Variants in TPST1 observed in about 807,000 individuals in gnomAD.
TPST1 encodes the protein protein-tyrosine sulfotransferase 1.
TPST1 carries 20 observed loss-of-function variants against 34.8 expected under a neutral mutation model. The observed-to-expected ratio is 0.57, with a 90% CI of 0.40 to 0.84. TPST1 has a LOEUF of 0.84. TPST1 is among the 40% of genes least tolerant of loss of function. The probability of loss-of-function intolerance (pLI) is 0.00; values close to 1 mark genes in which losing one functional copy is unlikely to be tolerated. For synonymous variants in TPST1, 152 were observed against 159.4 expected, an observed-to-expected ratio of 0.95 and a Z score of 0.35; for missense variants, 353 against 455.5, an observed-to-expected ratio of 0.78 and a Z score of 2.05.
chr7:66,346,341 C>G (rs2116356651), intron 3 of TPST1, among the ~76,000 whole-genome samples: 1 of 152,146 alleles, frequency 6.6e-6, no homozygotes, highest in Non-Finnish European at 1.5e-5. Context: ...TGGGTATATT[C>G]CTAGTAGTGG....
chr7:66,239,892 G>GC (rs1244084120), intron 1 of TPST1, among the ~76,000 whole-genome samples: 1 of 151,634 alleles, frequency 6.6e-6, no homozygotes, highest in Non-Finnish European at 1.5e-5. Context: ...GTTTTGTTTT[G>GC]TTTTTTTGAG....
chr7:66,323,262 G>A (rs563788784), intron 3 of TPST1, among the ~76,000 whole-genome samples: 5 of 151,976 alleles, frequency 3.3e-5, no homozygotes, highest in Admixed American at 6.6e-5. Context: ...GGCTGGTCTC[G>A]GACTCCTGAG....
At chr7:66,311,780 T>C (rs1791537995) in intron 3 of TPST1, among the ~76,000 whole-genome samples, 1 of 152,188 alleles carries the variant, frequency 6.6e-6, no homozygotes, top group Admixed American at 6.5e-5. Flanking sequence ...TTAAAAACTG[T>C]TGGAAACCTA....
chr7:66,258,276 A>G (rs1374532427), intron 2 of TPST1, among the ~76,000 whole-genome samples: 4 of 152,126 alleles, frequency 2.6e-5, no homozygotes, highest in African/African-American at 7.2e-5. Context: ...TCCTGTTAAA[A>G]TCCTTGGAAG....
chr7:66,353,731 C>T (rs1792526963), intron 4 of TPST1, among the ~76,000 whole-genome samples: 1 of 152,182 alleles, frequency 6.6e-6, no homozygotes, highest in Non-Finnish European at 1.5e-5. Context: ...CTGCTGCTGT[C>T]AGTGATTAGC....
At chr7:66,230,843 C>T (rs545577356) in intron 1 of TPST1, among the ~76,000 whole-genome samples, 17 of 152,074 alleles carry the variant, frequency 1.1e-4, no homozygotes, top group Non-Finnish European at 1.5e-4. Context: ...TTTGACAGGG[C>T]GCTGATTGGT....
At chr7:66,230,119 C>T (rs572892070) in intron 1 of TPST1, among the ~76,000 whole-genome samples, 4 of 152,196 alleles carry the variant, frequency 2.6e-5, no homozygotes, top group African/African-American at 7.2e-5. Context: ...ACCTGGGAGG[C>T]GAAAGTTGCA....
intron 1 of TPST1, among the ~76,000 whole-genome samples, chr7:66,219,913 T>G (rs6958531): frequency 0.9 from 136,149 of 151,872 alleles, 61,204 homozygotes; most frequent in African/African-American, 0.94. Context: ...TTTACCTTAT[T>G]TTTCGTTGCA....
intron 1 of TPST1, among the ~76,000 whole-genome samples, chr7:66,233,162 A>C (rs766139738): frequency 3.8e-5 from 5 of 131,516 alleles, no homozygotes; most frequent in Non-Finnish European, 6.9e-5. Context: ...TTTGTCTTTC[A>C]CTTTCTTGGT....
At chr7:66,280,510 G>A (rs1043645347) in intron 2 of TPST1, among the ~76,000 whole-genome samples, 7 of 152,208 alleles carry the variant, frequency 4.6e-5, no homozygotes, top group African/African-American at 1.7e-4. Context: ...AGATCTAGAA[G>A]CTTTTGGGCA....
At chr7:66,321,903 G>A (rs181826932) in intron 3 of TPST1, among the ~76,000 whole-genome samples, 3 of 152,218 alleles carry the variant, frequency 2.0e-5, no homozygotes, top group South Asian at 2.1e-4. Context: ...CAGGTTCTTT[G>A]CCTGGTTTTC....
At chr7:66,229,434 T>TA (rs1789732453) in intron 1 of TPST1, among the ~76,000 whole-genome samples, 1 of 152,230 alleles carries the variant, frequency 6.6e-6, no homozygotes, top group Admixed American at 6.5e-5. Flanking sequence ...TCACACAGCA[T>TA]AATGCCTTTG....
chr7:66,277,134 T>A (rs1790833846), intron 2 of TPST1, among the ~76,000 whole-genome samples: 1 of 152,178 alleles, frequency 6.6e-6, no homozygotes, highest in Non-Finnish European at 1.5e-5. Context: ...ATTCTGATTC[T>A]CCTCCCAGAA....
chr7:66,339,189 T>C (rs1792184136), intron 3 of TPST1, among the ~76,000 whole-genome samples: 1 of 151,640 alleles, frequency 6.6e-6, no homozygotes, highest in African/African-American at 2.4e-5. Flanking sequence ...ATACCACCGA[T>C]ATACAAAAAG....
chr7:66,258,443 T>G (rs796868383), intron 2 of TPST1, among the ~76,000 whole-genome samples: 8 of 152,342 alleles, frequency 5.3e-5, no homozygotes, highest in African/African-American at 1.9e-4. Context: ...TTAGTTAGTT[T>G]GGAGCTTTGG....
At chr7:66,299,573 C>G (rs1791273566) in intron 3 of TPST1, among the ~76,000 whole-genome samples, 1 of 151,926 alleles carries the variant, frequency 6.6e-6, no homozygotes, top group African/African-American at 2.4e-5. Flanking sequence ...TAGCTCCGTT[C>G]TACTGCCATC....
chr7:66,278,900 C>G (rs1439164961), intron 2 of TPST1, among the ~76,000 whole-genome samples: 3 of 152,010 alleles, frequency 2.0e-5, no homozygotes, highest in Admixed American at 2.0e-4. Context: ...TGATTCTAAA[C>G]ATACATATAA....
Position 66,352,537 on chromosome 7 carries a change from T to C in TPST1, c.1077T>C (p.Phe359=). 1.2e-6 allele frequency: 2 copies of C among 1,613,136 alleles called. No homozygotes were observed. Among genetic ancestry groups the C allele is most frequent in the Non-Finnish European group, 1.7e-6 (2 of 1,179,752 alleles). ...AGGGAGAATTCCAACTACCTGACTT[T>C]CTTAAAGAAAAACCACAGGTACTGT... ...VYKGEFQLPD[F]LKEKPQTEQV... Residue 359 remains phenylalanine, a synonymous_variant, in exon 4 of 6, where the codon TTT becomes TTC. Coordinates refer to ENST00000304842, the MANE Select transcript of TPST1 (RefSeq NM_003596.4).
chr7:66,213,149 C>G (rs1029394445), intron 1 of TPST1, among the ~76,000 whole-genome samples: 2 of 152,120 alleles, frequency 1.3e-5, no homozygotes, highest in Admixed American at 6.6e-5. Flanking sequence ...TTTTTCAGTA[C>G]CACTCTCTGT....
Sources: gnomAD v4.1 joint callset for allele counts (sites outside exome capture counted in the v4.1 genomes callset) on GRCh38, gnomAD v4.1.1 for gene constraint, MANE v1.5 for transcripts, NCBI Gene and HGNC (gene_info 2026-07-23, HGNC 2026-07-21) for gene names.